FRMD6: variants seen among roughly 807,000 people sequenced by gnomAD.
FRMD6 encodes the protein FERM domain-containing protein 6.
FRMD6 carries 37 observed loss-of-function variants against 73.2 expected under a neutral mutation model. The observed-to-expected ratio is 0.51, with a 90% CI of 0.39 to 0.66. The LOEUF (loss-of-function observed/expected upper bound fraction) is 0.66, where lower values mean the gene tolerates loss of function less well. Ranked by LOEUF, FRMD6 falls within the 30% of genes least tolerant of loss-of-function variation. FRMD6 has a pLI of 0.00. For synonymous variants in FRMD6, 273 were observed against 282.2 expected, an observed-to-expected ratio of 0.97 and a Z score of 0.33; for missense variants, 714 against 780.5, an observed-to-expected ratio of 0.91 and a Z score of 1.02.
chr14:51,610,753 C>A (rs1336047436), intron 2 of FRMD6, among the ~76,000 whole-genome samples: 1 of 152,148 alleles, frequency 6.6e-6, no homozygotes, highest in African/African-American at 2.4e-5. Context: ...AGTATATTTT[C>A]CCCAGGTCCC....
chr14:51,608,910 G>A (rs774765281), intron 2 of FRMD6, among the ~76,000 whole-genome samples: 104 of 152,284 alleles, frequency 6.8e-4, no homozygotes, highest in Admixed American at 1.6e-3. Context: ...ACAAATAAAT[G>A]CACTGGTGAG....
chr14:51,401,585 C>G, the FRMD6 span, among the ~76,000 whole-genome samples: 2 of 152,124 alleles, frequency 1.3e-5, no homozygotes, highest in African/African-American at 4.8e-5. Context: ...CCATCCTAAC[C>G]CAAGCTCAGG....
In FRMD6 at chr14:51,675,291, T is replaced by C. The variant is rs1894308516; in HGVS notation, c.-146-14400T>C. On this transcript the variant is annotated intron_variant, in intron 1 of 13. Coordinates refer to ENST00000344768, the MANE Select transcript of FRMD6 (RefSeq NM_001267046.2). ...GTTCCTGACAGCTACCTTAGCAGTC[T>C]TGGATCCATGTTTCTATGGAATAAC... Among the ~76,000 whole-genome samples, 2 of 152,058 alleles carry C rather than the reference T, an allele frequency of 1.3e-5. 1 individual carries two copies. The highest frequency in any genetic ancestry group is 1.3e-4 in the Admixed American group (2 of 15,240).
At chr14:51,721,901 G>A in intron 11 of FRMD6, 48 bp from the exon 12 acceptor site, 1 of 1,606,716 alleles carries the variant, frequency 6.2e-7, no homozygotes, top group Admixed American at 1.7e-5. Context: ...TATTATGATG[G>A]TCATTTCCCT....
At chr14:51,718,500 A>G (rs1897356720) in intron 10 of FRMD6, among the ~76,000 whole-genome samples, 1 of 152,256 alleles carries the variant, frequency 6.6e-6, no homozygotes, top group African/African-American at 2.4e-5. Flanking sequence ...CACTCATCCA[A>G]GGGCCACATG....
chr14:51,573,135 C>T (rs1888220761), intron 2 of FRMD6, among the ~76,000 whole-genome samples: 1 of 152,154 alleles, frequency 6.6e-6, no homozygotes, highest in African/African-American at 2.4e-5. Context: ...CTCAGCTGCC[C>T]TTGATAGTCC....
intron 1 of FRMD6, among the ~76,000 whole-genome samples, chr14:51,564,665 T>G (rs1887679258): frequency 6.6e-6 from 1 of 152,158 alleles, no homozygotes; most frequent in Non-Finnish European, 1.5e-5. Flanking sequence ...GAAAGAGAGG[T>G]CAAGGGCTCT....
chr14:51,720,241 G>C lies in FRMD6; in HGVS notation c.1211G>C (p.Arg404Pro). The change falls in exon 11 of 14, where the codon CGG becomes CCG. Residue 404 changes from arginine to proline, a missense_variant. By Grantham distance (103) the Arg-to-Pro change is moderately radical. Transcript: ENST00000344768. ...GGCATTGAGGCAGACACCAAGCCCC[G>C]GGACACGGGGCCAGAAGACAGCTAC... is the stretch of plus-strand genomic sequence containing the variant. ...TSGIEADTKPRDTGPEDSYSS... is the reference protein window; with the variant it reads ...TSGIEADTKPPDTGPEDSYSS... 3 of 1,613,972 alleles carry C rather than the reference G, an allele frequency of 1.9e-6. No individual in the cohort carries two copies. The highest frequency in any genetic ancestry group is 2.5e-6 in the Non-Finnish European group (3 of 1,179,958).
chr14:51,494,000 G>T (rs1883157467), intron 1 of FRMD6, among the ~76,000 whole-genome samples: 1 of 152,178 alleles, frequency 6.6e-6, no homozygotes, highest in Non-Finnish European at 1.5e-5. Flanking sequence ...ACTGGTGGAA[G>T]GTGCTAGCTA....
In FRMD6 at chr14:51,633,243, T is replaced by A. The variant is rs544278647; in HGVS notation, c.-146-56448T>A. Among the ~76,000 whole-genome samples the A allele has an allele frequency of 6.6e-5, 10 of 152,216 alleles. No individual in the cohort carries two copies. In the South Asian group the frequency reaches 2.1e-3, roughly 32 times the overall value. On this transcript the variant is annotated intron_variant, in intron 2 of 14. Coordinates refer to the FRMD6 transcript ENST00000356218. ...CTACCAAATCAAACTCTCTGGAGAT[T>A]AAGCCTAGGAGTTTGTTATTATTTA...
the FRMD6 span, among the ~76,000 whole-genome samples, chr14:51,480,373 G>T: frequency 6.6e-6 from 1 of 152,186 alleles, no homozygotes; most frequent in Non-Finnish European, 1.5e-5. Flanking sequence ...TTATAGCCAG[G>T]CAGAGAACAA....
the FRMD6 span, among the ~76,000 whole-genome samples, chr14:51,430,348 C>T: frequency 1.3e-5 from 2 of 152,196 alleles, no homozygotes; most frequent in African/African-American, 4.8e-5. Flanking sequence ...CTTCCTTCAG[C>T]TCCTGTTAAG....
chr14:51,448,376 G>A, the FRMD6 span, among the ~76,000 whole-genome samples: 5 of 152,306 alleles, frequency 3.3e-5, no homozygotes, highest in African/African-American at 4.8e-5. Context: ...ATATTTAGGT[G>A]TGCATGTGTC....
At chr14:51,640,788 C>T (rs1411135908) in intron 2 of FRMD6, among the ~76,000 whole-genome samples, 3 of 152,166 alleles carry the variant, frequency 2.0e-5, no homozygotes, top group Non-Finnish European at 4.4e-5. Flanking sequence ...TTTACTTCTA[C>T]ATATTTGGCA....
chr14:51,657,189 C>T (rs934912702), intron 1 of FRMD6, among the ~76,000 whole-genome samples: 2 of 151,750 alleles, frequency 1.3e-5, no homozygotes, highest in Non-Finnish European at 2.9e-5. Flanking sequence ...GGTAGTAGCA[C>T]TTGTGTGTAC....
At chr14:51,487,576 T>C (rs10147065), upstream of FRMD6, among the ~76,000 whole-genome samples, 51,591 of 152,086 alleles carry the variant, frequency 0.34, 8,784 homozygotes, top group South Asian at 0.41. Context: ...TAAAATGTTA[T>C]CCATAGTTAT....
At chr14:51,568,931 T>G (rs1252320034) in intron 1 of FRMD6, among the ~76,000 whole-genome samples, 1 of 151,504 alleles carries the variant, frequency 6.6e-6, no homozygotes, top group Non-Finnish European at 1.5e-5. Flanking sequence ...CTGCAACTTC[T>G]GCCTCCCGGG....
intron 13 of FRMD6, among the ~76,000 whole-genome samples, chr14:51,726,304 A>C (rs532972673): frequency 1.3e-5 from 2 of 152,324 alleles, no homozygotes; most frequent in Admixed American, 1.3e-4. Flanking sequence ...ACAACCTGTG[A>C]TCATTGGTTA....
intron 1 of FRMD6, among the ~76,000 whole-genome samples, chr14:51,491,142 A>G (rs939831288): frequency 1.3e-5 from 2 of 152,162 alleles, no homozygotes; most frequent in African/African-American, 4.8e-5. Flanking sequence ...TCTCTTTTGC[A>G]TCGTTCTGAA....
Sources: gnomAD v4.1 joint callset for allele counts (sites outside exome capture counted in the v4.1 genomes callset) on GRCh38, gnomAD v4.1.1 for gene constraint, MANE v1.5 for transcripts, NCBI Gene and HGNC (gene_info 2026-07-23, HGNC 2026-07-21) for gene names.